Variants in ADAD2 observed in about 807,000 individuals in gnomAD.
The protein encoded by ADAD2 is adenosine deaminase domain containing 2, also known as adenosine deaminase domain-containing protein 2.
ADAD2 carries 60 observed loss-of-function variants against 54.5 expected under a neutral mutation model. The observed-to-expected ratio is 1.10, with a 90% CI of 0.89 to 1.36. The LOEUF (loss-of-function observed/expected upper bound fraction) is 1.36, where lower values mean the gene tolerates loss of function less well. Among genes scored for constraint, ADAD2 ranks in the 40% most tolerant of loss-of-function variants. The probability of loss-of-function intolerance (pLI) is 0.00; values close to 1 mark genes in which losing one functional copy is unlikely to be tolerated. For synonymous variants in ADAD2, 543 were observed against 366.2 expected, an observed-to-expected ratio of 1.48 and a Z score of -5.51; for missense variants, 1,103 against 801.3, an observed-to-expected ratio of 1.38 and a Z score of -4.54.
chr16:84,191,687 A>G, intron 1 of ADAD2, 39 bp downstream of exon 1: 1 of 1,546,616 alleles, frequency 6.5e-7, no homozygotes, highest in Non-Finnish European at 8.7e-7. Flanking sequence ...CAGAGGGCAG[A>G]GCCACGGAGG....
intron 1 of ADAD2, chr16:84,194,113 C>T (rs1430747571): frequency 1.9e-6 from 3 of 1,613,944 alleles, no homozygotes; most frequent in African/African-American, 2.7e-5. Context: ...GTGGCGTGGG[C>T]TCTGGAGAGG....
At position 84,195,212 on chromosome 16, in the gene ADAD2, C is replaced by T; in HGVS notation, c.733+18C>T. 1 of 1,610,918 alleles carries T rather than the reference C, an allele frequency of 6.2e-7. No homozygotes were observed. The highest frequency in any genetic ancestry group is 1.7e-4 in the Middle Eastern group (1 of 6,056). On this transcript the variant is annotated intron_variant, in intron 4 of 9. Transcript: ENST00000315906. Reference sequence around the variant, plus strand: ...GGAGAGGGGTAGGGATCGCCCCAGCCCTGGCCCTGGCCCCGGCCCCCTGGG... The same window carrying T: ...GGAGAGGGGTAGGGATCGCCCCAGCTCTGGCCCTGGCCCCGGCCCCCTGGG...
chr16:84,194,651 G>A (rs1188137474), intron 2 of ADAD2, 69 bp downstream of exon 2: 2 of 1,554,364 alleles, frequency 1.3e-6, no homozygotes, highest in South Asian at 1.2e-5. Context: ...GCAGTCCCGT[G>A]GGGAGGCGGA....
rs1269289072 is a variant in ADAD2, at chr16:84,195,561, CAGGG to C, written c.917_920del (p.Gln306ArgfsTer70). On this transcript the variant is annotated frameshift_variant, in exon 6 of 10. Transcript: ENST00000315906. LOFTEE classifies it high-confidence loss of function. ...GTTCCGGCAGCTCCTGCTGGCCACA[CAGGG>C]GGGCCCCAAGGGCAAGGAGCAGTCC... 2 of 1,599,192 alleles carry C rather than the reference CAGGG, an allele frequency of 1.3e-6. No individual in the cohort carries two copies. The highest frequency in any genetic ancestry group is 1.3e-5 in the African/African-American group (1 of 74,620).
chr16:84,196,809 C>T, intron 9 of ADAD2, 42 bp downstream of exon 9: 1 of 1,599,936 alleles, frequency 6.3e-7, no homozygotes, highest in Non-Finnish European at 8.5e-7. Context: ...CCTCTCCAGC[C>T]CTGCAGTCCC....
Position 84,195,226 on chromosome 16 carries a change from C to T in ADAD2, c.733+32C>T, listed in dbSNP as rs374373526. The stretch of plus-strand genomic sequence containing the variant: ...ATCGCCCCAGCCCTGGCCCTGGCCC[C>T]GGCCCCCTGGGAAGGGCCCCCTCAA... On this transcript the variant is annotated intron_variant, in intron 4 of 9. Transcript: ENST00000315906. 4.1e-5 allele frequency: 66 copies of T among 1,610,136 alleles called. 1 individual carries two copies. The highest frequency in any genetic ancestry group is 2.6e-4 in the South Asian group (24 of 90,924).
Position 84,195,312 on chromosome 16 carries a change from G to C in ADAD2, c.750G>C (p.Arg250Ser). The change falls in exon 5 of 10, where the codon AGG (arginine) becomes AGC (serine). Residue 250 changes from arginine to serine, a missense_variant. By Grantham distance (110) the Arg-to-Ser change is moderately radical. Coordinates refer to ENST00000315906, the MANE Select transcript of ADAD2 (RefSeq NM_001145400.2). Reference protein sequence around the residue: ...VILEREIPRARGHVKEIYKLV... With the variant: ...VILEREIPRASGHVKEIYKLV... Reference sequence around the variant, plus strand: ...CCTGCACAGAGATCCCGCGTGCCAGGGGCCACGTGAAGGAGATCTACAAGC... The same window carrying C: ...CCTGCACAGAGATCCCGCGTGCCAGCGGCCACGTGAAGGAGATCTACAAGC... 5 of 1,611,090 alleles carry C rather than the reference G, an allele frequency of 3.1e-6. No homozygotes were observed. The highest frequency in any genetic ancestry group is 4.2e-6 in the Non-Finnish European group (5 of 1,179,766).
Position 84,196,207 on chromosome 16 carries a change from C to T in ADAD2, c.1363C>T (p.Leu455=). ...CCTGGACAGTGTCCTGGGGCCATGC[C>T]TGCCACCTCCCTACGTCCGGACCGC... ...PCLDSVLGPC[L]PPPYVRTALH... is the part of the protein sequence containing the mutation. Residue 455 remains leucine (L), a synonymous_variant, in exon 8 of 10, where the codon CTG becomes TTG. Transcript: ENST00000315906. 6.2e-7 allele frequency: 1 copy of T among 1,610,452 alleles called. No homozygotes were observed. The highest frequency in any genetic ancestry group is 8.5e-7 in the Non-Finnish European group (1 of 1,179,926).
Position 84,194,576 on chromosome 16 carries a change from A to T in ADAD2, c.553A>T (p.Asn185Tyr). 6.2e-7 allele frequency: 1 copy of T among 1,603,706 alleles called. No homozygotes were observed. Among genetic ancestry groups the T allele is most frequent in the Non-Finnish European group, 8.5e-7 (1 of 1,175,250 alleles). ...CTGCTACATCCGGAGTCAGCTGGAG[A>T]ACCCAGGTAATGGAGGGAGGGCCAG... is the stretch of plus-strand genomic sequence containing the variant. ...ALCYIRSQLE[N>Y]PESPQTSSRP... is the part of the protein sequence containing the mutation. Residue 185 changes from asparagine (N) to tyrosine (Y), a missense_variant, in exon 2 of 10, where the codon AAC (asparagine) becomes TAC (tyrosine). Physicochemically the swap from Asn to Tyr is moderately radical, Grantham distance 143. Transcript: ENST00000315906.
rs775391488 is a variant in ADAD2, at chr16:84,195,088, G to A, written c.627G>A (p.Glu209=). The change falls in exon 4 of 10, where the codon GAG becomes GAA. Residue 209 remains glutamate, a synonymous_variant. Coordinates refer to ENST00000315906, the MANE Select transcript of ADAD2 (RefSeq NM_001145400.2). ...GCGCAGAGAACATCCTGACCCATGA[G>A]CAGCGCTGCGCAGCGTTGGTGAGCG... The part of the protein sequence containing the change: ...PLSVENILTH[E]QRCAALVSAG... The A allele has an allele frequency of 6.2e-6, 10 of 1,613,628 alleles. No individual in the cohort carries two copies. The East Asian group carries it at 2.2e-4, about 36-fold the overall frequency.
rs369852453 is a variant in ADAD2, at chr16:84,194,996, C to T, written c.607+16C>T. The T allele has an allele frequency of 9.7e-6, 15 of 1,541,868 alleles. No individual in the cohort carries two copies. The highest frequency in any genetic ancestry group is 6.1e-5 in the African/African-American group (3 of 49,066). ...CTGAGCGTAGGTAGGTGAGCATTCC[C>T]GGACCCAGGCTTGTAGTGTCGAGGG... is the stretch of plus-strand genomic sequence containing the variant. On this transcript the variant is annotated intron_variant, in intron 3 of 9. Coordinates refer to ENST00000315906, the MANE Select transcript of ADAD2 (RefSeq NM_001145400.2).
rs1353040873 is a variant in ADAD2, at chr16:84,191,163, C to T, written c.-68C>T. 43 of 1,549,504 alleles carry T rather than the reference C, an allele frequency of 2.8e-5. No homozygotes were observed. The highest frequency in any genetic ancestry group is 7.1e-5 in the South Asian group (6 of 84,666). On this transcript the variant is annotated 5_prime_UTR_variant, in exon 1 of 10. Transcript: ENST00000315906. ...GTGCTCCCCACGTGAAGGCACCCGC[C>T]CTGCGCGTGTGAAAGGGCGAGAGCA...
chr16:84,192,192 T>A (rs2089665046), intron 1 of ADAD2, among the ~76,000 whole-genome samples: 1 of 152,210 alleles, frequency 6.6e-6, no homozygotes, highest in African/African-American at 2.4e-5. Flanking sequence ...TTGCCCAGAC[T>A]GGAATGCGGT....
Position 84,194,938 on chromosome 16 carries a change from C to A in ADAD2, c.565C>A (p.Pro189Thr). The part of the protein sequence containing the change: ...IRSQLENPES[P>T]QTSSRPPLAP... ...GCCCTCCTTGCCTCTTTCAGAGTCC[C>A]CCCAGACCTCCAGCCGGCCTCCACT... The change falls in exon 3 of 10, where the codon CCC becomes ACC. Residue 189 changes from proline (P) to threonine (T), a missense_variant. Physicochemically the swap from Pro to Thr is conservative, Grantham distance 38. Coordinates refer to ENST00000315906, the MANE Select transcript of ADAD2 (RefSeq NM_001145400.2). 1.2e-6 allele frequency: 2 copies of A among 1,609,698 alleles called. No individual in the cohort carries two copies. The highest frequency in any genetic ancestry group is 1.7e-6 in the Non-Finnish European group (2 of 1,177,804).
At chr16:84,193,452 G>C (rs1023609394) in intron 1 of ADAD2, 1 of 152,692 alleles carries the variant, frequency 6.5e-6, no homozygotes, top group African/African-American at 2.4e-5. Context: ...ACTGAGTTCA[G>C]GTGATGTGTT....
intron 1 of ADAD2, chr16:84,193,265 G>C (rs2151326421): frequency 6.6e-6 from 1 of 152,264 alleles, no homozygotes; most frequent in East Asian, 1.9e-4. Flanking sequence ...TCCCAGTAAT[G>C]ACCTCATGGC....
intron 1 of ADAD2, chr16:84,194,087 T>G: frequency 6.2e-7 from 1 of 1,614,036 alleles, no homozygotes; most frequent in Non-Finnish European, 8.5e-7. Flanking sequence ...CTCAGAGCCT[T>G]CCTCCTGAGA....
rs778659097 is a variant in ADAD2 at position 84,196,632 on chromosome 16, C to A, written c.1527-15C>A. On this transcript the variant is annotated splice_polypyrimidine_tract_variant and intron_variant, in intron 8 of 9. Coordinates refer to ENST00000315906, the MANE Select transcript of ADAD2 (RefSeq NM_001145400.2). ...TGTATCTCTCTGATCTCAGTGGTAT[C>A]CTCTCTTCATCCAGTGCCGCCCTGG... is the stretch of plus-strand genomic sequence containing the variant. The A allele has an allele frequency of 1.2e-6, 2 of 1,611,976 alleles. No homozygotes were observed. The highest frequency in any genetic ancestry group is 2.2e-5 in the South Asian group (2 of 90,958).
rs746447316 is a variant in ADAD2, at chr16:84,196,696, G to A, written c.1576G>A (p.Ala526Thr). 5 of 1,613,272 alleles carry A rather than the reference G, an allele frequency of 3.1e-6. No individual in the cohort carries two copies. In the South Asian group the frequency reaches 5.5e-5, roughly 18 times the overall value. ...SRLCKASFLR[A>T]FHQAARAVGK... ...TCTCTGCAAGGCCTCCTTTCTCCGGGCCTTTCACCAGGCGGCCAGGGCTGT... is the reference window on the plus strand; with the variant it reads ...TCTCTGCAAGGCCTCCTTTCTCCGGACCTTTCACCAGGCGGCCAGGGCTGT... Residue 526 changes from alanine (A) to threonine (T), a missense_variant, in exon 9 of 10, where the codon GCC (alanine) becomes ACC (threonine). Coordinates refer to ENST00000315906, the MANE Select transcript of ADAD2 (RefSeq NM_001145400.2).
Sources: gnomAD v4.1 joint callset for allele counts (sites outside exome capture counted in the v4.1 genomes callset) on GRCh38, gnomAD v4.1.1 for gene constraint, MANE v1.5 for transcripts, NCBI Gene and HGNC (gene_info 2026-07-23, HGNC 2026-07-21) for gene names.